Variants in PAMR1 observed in about 807,000 individuals in gnomAD.
PAMR1 encodes the protein peptidase domain containing associated with muscle regeneration 1, also known as inactive serine protease PAMR1.
PAMR1 carries 88 observed loss-of-function variants against 81.8 expected under a neutral mutation model. The ratio of observed to expected loss-of-function variants is 1.08; its 90% confidence interval spans 0.91 to 1.28. The LOEUF (loss-of-function observed/expected upper bound fraction) is 1.28, where lower values mean the gene tolerates loss of function less well. Ranked by LOEUF, PAMR1 falls within the 50% of genes most tolerant of loss-of-function variation. PAMR1 has a pLI of 0.00. For missense variants in PAMR1, 935 were observed against 919.7 expected (o/e 1.02, Z -0.21); for synonymous variants, 336 against 345.3 (o/e 0.97, Z 0.30).
chr11:35,507,094 T>G (rs1760317), intron 1 of PAMR1, among the ~76,000 whole-genome samples: 62,228 of 138,350 alleles, frequency 0.45, 14,383 homozygotes, highest in East Asian at 0.7. Context: ...TTGCCCAGGC[T>G]GGAGTGCAAT....
At chr11:35,459,561 C>T (rs1856605994) in intron 6 of PAMR1, among the ~76,000 whole-genome samples, 1 of 152,096 alleles carries the variant, frequency 6.6e-6, no homozygotes, top group Non-Finnish European at 1.5e-5. Flanking sequence ...TAAGAAATGG[C>T]CTGAGCTGGG....
chr11:35,501,908 T>A (rs971902881), intron 1 of PAMR1, among the ~76,000 whole-genome samples: 1 of 152,228 alleles, frequency 6.6e-6, no homozygotes, highest in African/African-American at 2.4e-5. Flanking sequence ...AGTGGAGATG[T>A]CTCTTTGATA....
At chr11:35,526,463 G>A (rs979829409), upstream of PAMR1, among the ~76,000 whole-genome samples, 1 of 145,066 alleles carries the variant, frequency 6.9e-6, no homozygotes, top group Non-Finnish European at 1.5e-5. Context: ...AAATGAGGAA[G>A]AAGGATGTTT....
chr11:35,476,790 G>C (rs949964176), intron 3 of PAMR1, among the ~76,000 whole-genome samples: 3 of 151,910 alleles, frequency 2.0e-5, no homozygotes, highest in Non-Finnish European at 2.9e-5. Flanking sequence ...TATGTTATTT[G>C]CAGCTCTGCC....
Position 35,434,705 on chromosome 11 carries a change from C to T in PAMR1, c.1433G>A (p.Gly478Asp), listed in dbSNP as rs1855997536. ...GAACCACGCTCCCTTGTGTAGGCTG[C>T]CGTCATGCACCCCGCTGGTCCTCCT... ...IYRRTSGVHDGSLHKGAWFLV... is the reference protein window; with the variant it reads ...IYRRTSGVHDDSLHKGAWFLV... The change falls in exon 10 of 11, where the codon GGC becomes GAC. Residue 478 changes from glycine (G) to aspartate (D), a missense_variant. By Grantham distance (94) the Gly-to-Asp change is moderately conservative. Transcript: ENST00000619888. The T allele has an allele frequency of 6.2e-7, 1 of 1,614,184 alleles. No individual in the cohort carries two copies. Among genetic ancestry groups the T allele is most frequent in the Non-Finnish European group, 8.5e-7 (1 of 1,180,038 alleles).
At position 35,525,530 on chromosome 11, in the gene PAMR1, A is replaced by G; in HGVS notation, c.56T>C (p.Ile19Thr). ...LGLTFLQLLL[I>T]SSLPREYTVI... ...CACAGTACCTCTTGGCAAGGACGAG[A>G]TGAGAAGGAGCTGAAGAAAAGTGAG... The change falls in exon 1 of 11, where the codon ATC becomes ACC. Residue 19 changes from isoleucine to threonine, a missense_variant. Coordinates refer to ENST00000619888, the MANE Select transcript of PAMR1 (RefSeq NM_001001991.3). 5.0e-6 allele frequency: 8 copies of G among 1,613,974 alleles called. No individual in the cohort carries two copies. Among genetic ancestry groups the G allele is most frequent in the African/African-American group, 1.3e-5 (1 of 75,016 alleles).
intron 8 of PAMR1, 77 bp from the exon 9 acceptor site, chr11:35,436,212 T>G (rs1222036521): frequency 1.2e-6 from 1 of 860,788 alleles, no homozygotes; most frequent in African/African-American, 1.7e-5. Context: ...ATTCATGCCA[T>G]GTCCCATGTA....
intron 1 of PAMR1, among the ~76,000 whole-genome samples, chr11:35,514,795 G>A (rs903620408): frequency 2.0e-5 from 3 of 152,084 alleles, no homozygotes; most frequent in Admixed American, 1.3e-4. Flanking sequence ...AGACCAGCCT[G>A]GGCAACATAG....
At chr11:35,450,731 T>C (rs987815461) in intron 6 of PAMR1, among the ~76,000 whole-genome samples, 1 of 152,220 alleles carries the variant, frequency 6.6e-6, no homozygotes, top group Non-Finnish European at 1.5e-5. Flanking sequence ...GGAGATTTCA[T>C]TTAAAAATCT....
intron 5 of PAMR1, among the ~76,000 whole-genome samples, chr11:35,469,073 A>G (rs1856806000): frequency 1.3e-5 from 2 of 152,254 alleles, no homozygotes; most frequent in African/African-American, 2.4e-5. Flanking sequence ...AGGCAATGCT[A>G]CAAGACATTC....
chr11:35,436,433 C>A (rs1178682301), intron 8 of PAMR1, among the ~76,000 whole-genome samples: 1 of 152,058 alleles, frequency 6.6e-6, no homozygotes, highest in Non-Finnish European at 1.5e-5. Flanking sequence ...TACAGACATG[C>A]AACACCACGC....
At chr11:35,505,744 T>C (rs903933528) in intron 1 of PAMR1, among the ~76,000 whole-genome samples, 1 of 152,160 alleles carries the variant, frequency 6.6e-6, no homozygotes, top group African/African-American at 2.4e-5. Context: ...TCTGTATCTG[T>C]ATAAGTGAGG....
chr11:35,487,042 C>T (rs920095115), intron 3 of PAMR1, among the ~76,000 whole-genome samples: 2 of 152,038 alleles, frequency 1.3e-5, no homozygotes, highest in South Asian at 2.1e-4. Context: ...TGTGCTTCTG[C>T]GACCCACCCT....
At chr11:35,462,331 T>C (rs1185148247) in intron 6 of PAMR1, among the ~76,000 whole-genome samples, 1 of 152,192 alleles carries the variant, frequency 6.6e-6, no homozygotes, top group Non-Finnish European at 1.5e-5. Flanking sequence ...CTAATGTGGG[T>C]GTCTTTTCCT....
intron 1 of PAMR1, among the ~76,000 whole-genome samples, chr11:35,506,653 C>T (rs1488513884): frequency 1.3e-5 from 2 of 151,432 alleles, no homozygotes; most frequent in Non-Finnish European, 2.9e-5. Context: ...TGAGTGGTTT[C>T]CACTCAGAAG....
chr11:35,435,864 A>T lies in PAMR1; in HGVS notation c.1333+39T>A, dbSNP rs777574092. 2.9e-5 allele frequency: 43 copies of T among 1,462,392 alleles called. No homozygotes were observed. In the East Asian group the frequency reaches 7.8e-4, roughly 26 times the overall value. The allele number at this position is 1,462,392 out of a possible 1,614,324, so 90.6% of individuals were successfully genotyped here. A position where few individuals can be genotyped will look rare whatever the true frequency, so the allele number is the denominator to read the frequency against. The stretch of plus-strand genomic sequence containing the variant: ...GGTTTTTCTCAGGCAGTCATGAAAG[A>T]TTGAGCATGCTCAAGCCCAAGAATG... On this transcript the variant is annotated intron_variant, in intron 9 of 10. Coordinates refer to ENST00000619888, the MANE Select transcript of PAMR1 (RefSeq NM_001001991.3).
intron 9 of PAMR1, among the ~76,000 whole-genome samples, chr11:35,435,171 C>T (rs535892243): frequency 3.1e-4 from 47 of 152,196 alleles, no homozygotes; most frequent in Non-Finnish European, 5.3e-4. Context: ...ATGGTACATG[C>T]AAACAAACTC....
intron 3 of PAMR1, among the ~76,000 whole-genome samples, chr11:35,479,405 C>G (rs1045343487): frequency 6.6e-6 from 1 of 152,206 alleles, no homozygotes; most frequent in African/African-American, 2.4e-5. Context: ...GTTTTTCTCA[C>G]TTGTCTTAGG....
Position 35,432,335 on chromosome 11 carries a change from C to A in PAMR1, c.*21G>T. On this transcript the variant is annotated 3_prime_UTR_variant, in exon 11 of 11. Transcript: ENST00000619888. ...CAGACGGATATACAGAAACACTTCT[C>A]AAGGAGTGCATGAGCATGGTTCATT... 1 of 1,595,556 alleles carries A rather than the reference C, an allele frequency of 6.3e-7. No homozygotes were observed. Among genetic ancestry groups the A allele is most frequent in the South Asian group, 1.1e-5 (1 of 89,924 alleles).
Sources: gnomAD v4.1 joint callset for allele counts (sites outside exome capture counted in the v4.1 genomes callset) on GRCh38, gnomAD v4.1.1 for gene constraint, MANE v1.5 for transcripts, NCBI Gene and HGNC (gene_info 2026-07-23, HGNC 2026-07-21) for gene names.